The following TPTE2 variants were observed in gnomAD, a reference collection of about 807,000 sequenced individuals.
TPTE2 encodes the protein transmembrane phosphoinositide 3-phosphatase and tensin homolog 2.
TPTE2 carries 53 observed loss-of-function variants against 78.6 expected under a neutral mutation model. That is an observed-to-expected ratio of 0.67 (90% confidence interval 0.54 to 0.85). The LOEUF is 0.85. Among genes scored for constraint, TPTE2 ranks in the 40% least tolerant of loss-of-function variants. The probability of loss-of-function intolerance (pLI) is 0.00; values close to 1 mark genes in which losing one functional copy is unlikely to be tolerated. For synonymous variants in TPTE2, 175 were observed against 206.2 expected, an observed-to-expected ratio of 0.85 and a Z score of 1.30; for missense variants, 461 against 623.0, an observed-to-expected ratio of 0.74 and a Z score of 2.77.
chr13:19,533,419 G>A (rs1456993984), intron 1 of TPTE2, among the ~76,000 whole-genome samples: 1 of 152,156 alleles, frequency 6.6e-6, no homozygotes, highest in African/African-American at 2.4e-5. Context: ...AAAATGAGAG[G>A]AATATATAAT....
upstream of TPTE2, among the ~76,000 whole-genome samples, chr13:19,539,423 G>A (rs1005479375): frequency 2.2e-4 from 33 of 152,126 alleles, no homozygotes; most frequent in African/African-American, 7.5e-4. Flanking sequence ...CCCTGCACAC[G>A]CTCTCTTGCC....
chr13:19,479,648 AATTTAAAT>A (rs1880203077), intron 4 of TPTE2, among the ~76,000 whole-genome samples: 1 of 152,156 alleles, frequency 6.6e-6, no homozygotes, highest in African/African-American at 2.4e-5. Flanking sequence ...ACAAAAACTA[AATTTAAAT>A]GACAATTCAA....
chr13:19,464,700 T>C lies in TPTE2; in HGVS notation c.677-180A>G, dbSNP rs559422289. ...TAACATATTAAATTATCCAACACAATGACCATTAAACTGGCATGGAGTTCT... is the reference window on the plus strand; with the variant it reads ...TAACATATTAAATTATCCAACACAACGACCATTAAACTGGCATGGAGTTCT... On this transcript the variant is annotated intron_variant, in intron 9 of 19. Coordinates refer to ENST00000400230, the Ensembl canonical transcript of TPTE2. Among the ~76,000 whole-genome samples, 5 of 152,348 alleles carry C rather than the reference T, an allele frequency of 3.3e-5. No individual in the cohort carries two copies. The East Asian group carries it at 7.7e-4, about 23-fold the overall frequency.
In TPTE2 at chr13:19,485,691, T is replaced by C. The variant is rs536020725; in HGVS notation, c.120-3144A>G. On this transcript the variant is annotated intron_variant, in intron 3 of 19. Transcript: ENST00000400230. ...TGAATATTTGATCAAATTAATGGTGTCCCATAAATCCTGTAGGCTTTTTTC... is the reference window on the plus strand; with the variant it reads ...TGAATATTTGATCAAATTAATGGTGCCCCATAAATCCTGTAGGCTTTTTTC... Among the ~76,000 whole-genome samples the C allele has an allele frequency of 5.9e-5, 9 of 152,294 alleles. No homozygotes were observed. The South Asian group carries it at 1.9e-3, about 32-fold the overall frequency.
chr13:19,510,516 T>G (rs1869364296), intron 1 of TPTE2, among the ~76,000 whole-genome samples: 1 of 151,662 alleles, frequency 6.6e-6, no homozygotes, highest in Non-Finnish European at 1.5e-5. Context: ...AGGGAGGGAA[T>G]TAATCTATTC....
At chr13:19,560,845 C>A in the TPTE2 span, 2 of 1,558,704 alleles carry the variant, frequency 1.3e-6, no homozygotes, top group Non-Finnish European at 1.7e-6. Context: ...CCCGCAGGCT[C>A]TTGGTGAAGC....
chr13:19,496,221 A>G (rs1881303389), intron 1 of TPTE2, among the ~76,000 whole-genome samples: 1 of 152,094 alleles, frequency 6.6e-6, no homozygotes, highest in Admixed American at 6.5e-5. Flanking sequence ...TCATGTGTGT[A>G]TTTGGTTCTT....
At chr13:19,474,767 G>C (rs758405258) in intron 5 of TPTE2, among the ~76,000 whole-genome samples, 1 of 152,102 alleles carries the variant, frequency 6.6e-6, no homozygotes. Flanking sequence ...AAAACTTGCA[G>C]CTCAAATTCA....
At chr13:19,537,531 GC>G (rs1871278638), upstream of TPTE2, among the ~76,000 whole-genome samples, 1 of 146,404 alleles carries the variant, frequency 6.8e-6, no homozygotes, top group Non-Finnish European at 1.5e-5. Flanking sequence ...CTGTGCCCAG[GC>G]CACCTTCTAT....
At chr13:19,531,020 C>T (rs1192095025) in intron 1 of TPTE2, among the ~76,000 whole-genome samples, 2 of 152,122 alleles carry the variant, frequency 1.3e-5, no homozygotes, top group Non-Finnish European at 2.9e-5. Flanking sequence ...TTCTCCCCTA[C>T]CCCTATCCCC....
the TPTE2 span, among the ~76,000 whole-genome samples, chr13:19,543,059 CT>C: frequency 0.032 from 4,600 of 144,264 alleles, 172 homozygotes; most frequent in African/African-American, 0.091. Context: ...ATTTCTTTTT[CT>C]TTTTTTTTTT....
intron 7 of TPTE2, among the ~76,000 whole-genome samples, chr13:19,466,707 G>T (rs892228542): frequency 6.6e-6 from 1 of 152,150 alleles, no homozygotes; most frequent in Non-Finnish European, 1.5e-5. Context: ...AGAAACTCAT[G>T]ATTGAAATCA....
In TPTE2 at chr13:19,500,111, G is replaced by A. The variant is rs1478594547; in HGVS notation, c.11+3113C>T. Among the ~76,000 whole-genome samples the A allele has an allele frequency of 1.5e-4, 23 of 151,800 alleles. No individual in the cohort carries two copies. The East Asian group carries it at 2.3e-3, about 15-fold the overall frequency. ...CAAGACTAAACCAGGAAGAAGTTGAGTCTCTGAATAGACCAATAACAGGAT... is the reference window on the plus strand; with the variant it reads ...CAAGACTAAACCAGGAAGAAGTTGAATCTCTGAATAGACCAATAACAGGAT... On this transcript the variant is annotated intron_variant, in intron 1 of 19. Coordinates refer to ENST00000400230, the Ensembl canonical transcript of TPTE2.
intron 1 of TPTE2, among the ~76,000 whole-genome samples, chr13:19,501,933 A>G (rs984718837): frequency 6.6e-6 from 1 of 151,228 alleles, no homozygotes; most frequent in African/African-American, 2.4e-5. Context: ...TCTACAATGA[A>G]CTCAAACAAA....
chr13:19,510,889 C>G (rs1262678907), intron 1 of TPTE2, among the ~76,000 whole-genome samples: 4 of 152,126 alleles, frequency 2.6e-5, no homozygotes, highest in Non-Finnish European at 4.4e-5. Flanking sequence ...TAAGTTATCA[C>G]ATAAATTCAA....
intron 3 of TPTE2, among the ~76,000 whole-genome samples, chr13:19,483,766 T>C (rs1261304665): frequency 2.0e-5 from 3 of 152,208 alleles, no homozygotes; most frequent in African/African-American, 7.2e-5. Flanking sequence ...TCCAGGCATT[T>C]ATTGCTAAAA....
At chr13:19,546,790 C>G in the TPTE2 span, among the ~76,000 whole-genome samples, 1 of 151,336 alleles carries the variant, frequency 6.6e-6, no homozygotes. Context: ...ACACCCAGCC[C>G]AACAAAGCAT....
intron 1 of TPTE2, among the ~76,000 whole-genome samples, chr13:19,516,781 A>G (rs189943554): frequency 1.7e-4 from 26 of 152,342 alleles, no homozygotes; most frequent in Admixed American, 1.7e-3. Context: ...TGACCAGTAT[A>G]TGCATATTAT....
chr13:19,473,532 C>A (rs978957648), intron 6 of TPTE2, among the ~76,000 whole-genome samples: 2 of 151,752 alleles, frequency 1.3e-5, no homozygotes, highest in African/African-American at 4.8e-5. Context: ...CACCAATGTT[C>A]TCATAAGGCC....
Sources: allele counts gnomAD v4.1 joint callset (sites outside exome capture counted in the v4.1 genomes callset), GRCh38; gene constraint gnomAD v4.1.1; transcripts MANE v1.5; gene names NCBI Gene and HGNC (gene_info 2026-07-23, HGNC 2026-07-21).